The following RALGPS2 variants were observed in gnomAD, a reference collection of about 807,000 sequenced individuals.
RALGPS2 encodes Ral GEF with PH domain and SH3 binding motif 2.
In RALGPS2, 43 loss-of-function variants were observed where a neutral mutation model predicts 86.8. The ratio of observed to expected loss-of-function variants is 0.50; its 90% CI spans 0.39 to 0.64. The LOEUF is 0.64. RALGPS2 is among the 30% of genes least tolerant of loss of function. The pLI is 0.00. For synonymous variants in RALGPS2, 243 were observed against 231.3 expected (o/e 1.05, Z -0.46); for missense variants, 536 against 694.6 (o/e 0.77, Z 2.57).
Position 178,921,781 on chromosome 1 carries a change from A to G in RALGPS2, c.*5422A>G, listed in dbSNP as rs1435751231. ...TCAGTGTGTCTGCATAAGCTAACTT[A>G]AGATGAATTTAAGTACAGTTTTCTG... On this transcript the variant is annotated 3_prime_UTR_variant, in exon 20 of 20. Transcript: ENST00000367635. The G allele has an allele frequency of 6.6e-6, 1 of 151,190 alleles. No individual in the cohort carries two copies. Among genetic ancestry groups the G allele is most frequent in the Admixed American group, 6.6e-5 (1 of 15,214 alleles). The allele number at this position is 151,190 out of a possible 1,614,324, so 9.4% of individuals were successfully genotyped here. A position where few individuals can be genotyped will look rare whatever the true frequency, so the allele number is the denominator to read the frequency against.
At chr1:178,866,975 T>G (rs963852324) in intron 8 of RALGPS2, among the ~76,000 whole-genome samples, 1 of 152,112 alleles carries the variant, frequency 6.6e-6, no homozygotes, top group African/African-American at 2.4e-5. Flanking sequence ...TCAGATCTAC[T>G]AACGAGCTGG....
At position 178,921,146 on chromosome 1, in the gene RALGPS2, TGAAA is replaced by T. The variant is rs1439681070; in HGVS notation, c.*4790_*4793del. 4.6e-5 allele frequency: 7 copies of T among 151,962 alleles called. No individual in the cohort carries two copies. Among genetic ancestry groups the T allele is most frequent in the Non-Finnish European group, 8.8e-5 (6 of 67,902 alleles). The allele number at this position is 151,962 out of a possible 1,614,324, so 9.4% of individuals were successfully genotyped here. On this transcript the variant is annotated 3_prime_UTR_variant, in exon 20 of 20. Coordinates refer to ENST00000367635, the MANE Select transcript of RALGPS2 (RefSeq NM_152663.5). ...TAGGCAAGTAGTCATTCAAGCCAAA[TGAAA>T]GAGTTAACTGGTCCTTGAGGAGTGT...
chr1:178,904,382 T>C (rs755756348), intron 18 of RALGPS2, among the ~76,000 whole-genome samples: 1 of 152,238 alleles, frequency 6.6e-6, no homozygotes, highest in Non-Finnish European at 1.5e-5. Flanking sequence ...TATCTTTGTT[T>C]TTATTGCATT....
rs969259817 is a variant in RALGPS2, at chr1:178,917,065, G to A, written c.*706G>A. On this transcript the variant is annotated 3_prime_UTR_variant, in exon 20 of 20. Transcript: ENST00000367635. ...TACTGTAAGGGGAACATTATTTCCTGCAGGAGGTACAAAGGCTGTGTGTTC... is the reference window on the plus strand; with the variant it reads ...TACTGTAAGGGGAACATTATTTCCTACAGGAGGTACAAAGGCTGTGTGTTC... The A allele has an allele frequency of 6.6e-6, 1 of 152,138 alleles. No homozygotes were observed. The highest frequency in any genetic ancestry group is 6.5e-5 in the Admixed American group (1 of 15,274). The allele number at this position is 152,138 out of a possible 1,614,324, so 9.4% of individuals were successfully genotyped here.
chr1:178,880,246 GAC>G (rs777865784), intron 10 of RALGPS2, among the ~76,000 whole-genome samples: 9 of 151,990 alleles, frequency 5.9e-5, no homozygotes, highest in Non-Finnish European at 1.0e-4. Context: ...TCCAGATTTT[GAC>G]AGTTTTTAAA....
chr1:178,812,417 T>C (rs1655027978), intron 6 of RALGPS2, among the ~76,000 whole-genome samples: 2 of 152,146 alleles, frequency 1.3e-5, no homozygotes, highest in Admixed American at 6.6e-5. Flanking sequence ...GGGTCGCCTA[T>C]GGTTGAGTTA....
chr1:178,763,793 A>G (rs773087220), intron 1 of RALGPS2, among the ~76,000 whole-genome samples: 41 of 152,026 alleles, frequency 2.7e-4, no homozygotes, highest in Admixed American at 4.6e-4. Flanking sequence ...TCATGTAATT[A>G]TACAGTTTTG....
chr1:178,793,540 C>T (rs536689379), intron 4 of RALGPS2, among the ~76,000 whole-genome samples: 110 of 151,692 alleles, frequency 7.3e-4, no homozygotes, highest in Non-Finnish European at 1.3e-3. Context: ...ATGCCCAGCC[C>T]GGGAGTCTTA....
At chr1:178,875,058 C>T (rs186603486) in intron 8 of RALGPS2, among the ~76,000 whole-genome samples, 13 of 152,274 alleles carry the variant, frequency 8.5e-5, no homozygotes, top group Admixed American at 4.6e-4. Context: ...CAATCAGGAA[C>T]GCTGAAGTAA....
intron 8 of RALGPS2, among the ~76,000 whole-genome samples, chr1:178,862,806 T>C (rs12755340): frequency 0.014 from 2,112 of 152,240 alleles, 27 homozygotes; most frequent in Non-Finnish European, 0.019. Context: ...AGGACATTAT[T>C]CTTAGCCAGA....
intron 6 of RALGPS2, among the ~76,000 whole-genome samples, chr1:178,817,717 A>G (rs1391518182): frequency 6.6e-6 from 1 of 152,240 alleles, no homozygotes; most frequent in Non-Finnish European, 1.5e-5. Context: ...GGAAGAATTG[A>G]TAACAACATT....
chr1:178,778,594 C>T (rs926920381), intron 2 of RALGPS2, among the ~76,000 whole-genome samples: 1 of 102,080 alleles, frequency 9.8e-6, no homozygotes, highest in African/African-American at 4.0e-5. Context: ...CACATGCACA[C>T]GTATGTTTAT....
intron 4 of RALGPS2, among the ~76,000 whole-genome samples, chr1:178,788,773 G>A (rs1001680576): frequency 2.0e-5 from 3 of 150,856 alleles, no homozygotes; most frequent in African/African-American, 4.9e-5. Flanking sequence ...GTTTTAAGTC[G>A]CTCTTTTTTT....
chr1:178,786,927 A>G (rs183086014), intron 4 of RALGPS2, among the ~76,000 whole-genome samples: 79 of 152,110 alleles, frequency 5.2e-4, no homozygotes, highest in Non-Finnish European at 2.4e-4. Flanking sequence ...TTCGATACCT[A>G]TAAATGAAGG....
chr1:178,745,448 G>T (rs1464895295), intron 1 of RALGPS2, among the ~76,000 whole-genome samples: 2 of 152,220 alleles, frequency 1.3e-5, no homozygotes, highest in African/African-American at 2.4e-5. Context: ...CAATGGAATA[G>T]AACAGAGTCC....
chr1:178,798,666 C>T lies in RALGPS2; in HGVS notation c.214-9379C>T, dbSNP rs142793031. Reference sequence around the variant, plus strand: ...TTTTTAAAAAGGAAATTTGTGAAGTCATCACTTTTCATACACCAGCAGGTA... The same window carrying T: ...TTTTTAAAAAGGAAATTTGTGAAGTTATCACTTTTCATACACCAGCAGGTA... On this transcript the variant is annotated intron_variant, in intron 4 of 19. Transcript: ENST00000367635. 4.3e-4 allele frequency among the ~76,000 whole-genome samples: 65 copies of T among 151,988 alleles called. No homozygotes were observed. The East Asian group carries it at 0.011, about 26-fold the overall frequency.
At chr1:178,812,844 G>A (rs766093369) in intron 6 of RALGPS2, among the ~76,000 whole-genome samples, 1 of 151,622 alleles carries the variant, frequency 6.6e-6, no homozygotes, top group Non-Finnish European at 1.5e-5. Flanking sequence ...CTAGGTGGCA[G>A]AGCTAGCCTT....
At chr1:178,887,408 G>C (rs758132396) in intron 13 of RALGPS2, among the ~76,000 whole-genome samples, 1 of 152,174 alleles carries the variant, frequency 6.6e-6, no homozygotes. Flanking sequence ...AGCCATGTTC[G>C]CAGCACTGCA....
At chr1:178,865,514 A>G (rs1202208349) in intron 8 of RALGPS2, 1 of 1,613,954 alleles carries the variant, frequency 6.2e-7, no homozygotes, top group East Asian at 2.2e-5. Context: ...CACATCCTTC[A>G]GGTTTTCAAG....
Sources: gnomAD v4.1 joint callset for allele counts (sites outside exome capture counted in the v4.1 genomes callset) on GRCh38, gnomAD v4.1.1 for gene constraint, MANE v1.5 for transcripts, NCBI Gene and HGNC (gene_info 2026-07-23, HGNC 2026-07-21) for gene names.